RAD21: variants seen among roughly 807,000 people sequenced by gnomAD.
RAD21 encodes the protein double-strand-break repair protein rad21 homolog.
Under a neutral mutation model 71.5 loss-of-function variants are expected in RAD21, and 18 were observed. That is an observed-to-expected ratio of 0.25 (90% confidence interval 0.17 to 0.37). The LOEUF (loss-of-function observed/expected upper bound fraction) is 0.37. Ranked by LOEUF, RAD21 falls within the 10% of genes least tolerant of loss-of-function variation. RAD21 has a pLI of 1.00. For missense variants in RAD21, 493 were observed against 769.1 expected (o/e 0.64, Z 4.25); for synonymous variants, 248 against 254.0 (o/e 0.98, Z 0.22).
chr8:116,867,251 C>G (rs553050394), intron 1 of RAD21, among the ~76,000 whole-genome samples: 1 of 152,110 alleles, frequency 6.6e-6, no homozygotes, highest in African/African-American at 2.4e-5. Flanking sequence ...ATTTCATATT[C>G]CACCAAGCAA....
At chr8:116,863,825 G>A (rs1812638592) in intron 2 of RAD21, among the ~76,000 whole-genome samples, 2 of 152,024 alleles carry the variant, frequency 1.3e-5, no homozygotes, top group African/African-American at 2.4e-5. Context: ...AAAGTATGAG[G>A]ACAGGAAGCT....
intron 3 of RAD21, among the ~76,000 whole-genome samples, chr8:116,862,789 A>G (rs1388109405): frequency 1.3e-5 from 2 of 152,172 alleles, no homozygotes; most frequent in African/African-American, 2.4e-5. Flanking sequence ...TTTCTGAGCT[A>G]TATTTTAAAA....
intron 1 of RAD21, among the ~76,000 whole-genome samples, chr8:116,869,429 C>T (rs540482033): frequency 6.6e-6 from 1 of 152,162 alleles, no homozygotes; most frequent in East Asian, 1.9e-4. Flanking sequence ...TACTAAAAAA[C>T]ACAGAAACTG....
chr8:116,849,613 C>T (rs1812310467), intron 12 of RAD21: 1 of 152,132 alleles, frequency 6.6e-6, no homozygotes, highest in Non-Finnish European at 1.5e-5. Context: ...CACATGCTGC[C>T]TAAATGACTT....
chr8:116,868,897 G>T (rs1000986494), intron 1 of RAD21, among the ~76,000 whole-genome samples: 3 of 149,016 alleles, frequency 2.0e-5, no homozygotes, highest in Non-Finnish European at 4.4e-5. Flanking sequence ...GATTAAATAC[G>T]ATCTGAAGAC....
At chr8:116,860,286 A>C (rs759410443) in intron 4 of RAD21, among the ~76,000 whole-genome samples, 23 of 152,192 alleles carry the variant, frequency 1.5e-4, no homozygotes, top group Non-Finnish European at 2.6e-4. Flanking sequence ...AGGGTTTAGA[A>C]TATTCCATAA....
chr8:116,858,299 A>G, intron 5 of RAD21, 53 bp downstream of exon 5: 1 of 1,362,324 alleles, frequency 7.3e-7, no homozygotes. Context: ...AATTGCTATT[A>G]GCAACACAAT....
intron 1 of RAD21, among the ~76,000 whole-genome samples, chr8:116,868,945 A>G (rs1452663346): frequency 6.6e-6 from 1 of 151,958 alleles, no homozygotes; most frequent in African/African-American, 2.4e-5. Flanking sequence ...CACCCCCCAC[A>G]AAACAAAAAA....
intron 1 of RAD21, among the ~76,000 whole-genome samples, chr8:116,870,406 C>G (rs1281118097): frequency 6.6e-6 from 1 of 152,168 alleles, no homozygotes; most frequent in African/African-American, 2.4e-5. Context: ...ATACTATATT[C>G]TATACTAAGA....
At chr8:116,863,625 A>G (rs1371359173) in intron 2 of RAD21, among the ~76,000 whole-genome samples, 3 of 152,134 alleles carry the variant, frequency 2.0e-5, no homozygotes, top group Non-Finnish European at 2.9e-5. Context: ...CCTCTCTGCT[A>G]ATACCTGTTC....
At chr8:116,857,528 TAAAAG>T (rs1009768773) in intron 5 of RAD21, 55 bp from the exon 6 acceptor site, 23 of 1,419,764 alleles carry the variant, frequency 1.6e-5, no homozygotes, top group Middle Eastern at 2.1e-4. Context: ...AGCACTGTGA[TAAAAG>T]AAAACTGCTA....
intron 7 of RAD21, 40 bp downstream of exon 7, chr8:116,856,606 A>G (rs1217277418): frequency 6.5e-7 from 1 of 1,541,312 alleles, no homozygotes; most frequent in Non-Finnish European, 8.8e-7. Context: ...TCTGGATGCC[A>G]TACAATCATC....
intron 13 of RAD21, among the ~76,000 whole-genome samples, chr8:116,848,208 T>G (rs775429250): frequency 6.6e-6 from 1 of 152,226 alleles, no homozygotes. Flanking sequence ...CTATATATTC[T>G]GCTTAGGACA....
chr8:116,872,155 T>C (rs558750979), intron 1 of RAD21, among the ~76,000 whole-genome samples: 4 of 152,342 alleles, frequency 2.6e-5, no homozygotes, highest in African/African-American at 9.6e-5. Context: ...ATTTACATTG[T>C]AATATCATAA....
chr8:116,856,903 C>T (rs1812481414), intron 6 of RAD21, 132 bp from the exon 7 acceptor site: 1 of 588,606 alleles, frequency 1.7e-6, no homozygotes, highest in Non-Finnish European at 2.7e-6. Flanking sequence ...ATCTGTTTCT[C>T]CTCCAGGTAG....
At chr8:116,873,464 CTA>C (rs774292194) in intron 1 of RAD21, among the ~76,000 whole-genome samples, 3 of 152,312 alleles carry the variant, frequency 2.0e-5, no homozygotes, top group Non-Finnish European at 2.9e-5. Flanking sequence ...CTCCAAAATT[CTA>C]TAGACTCGCA....
chr8:116,865,533 T>C (rs1812671876), intron 2 of RAD21, among the ~76,000 whole-genome samples: 1 of 152,152 alleles, frequency 6.6e-6, no homozygotes. Context: ...ATATCACAAA[T>C]CTCAAAAACA....
Position 116,852,073 on chromosome 8 carries a change from T to C in RAD21, c.1345A>G (p.Ser449Gly), listed in dbSNP as rs766380292. Reference sequence around the variant, plus strand: ...TCCATCACTGACTCCTGGAGGCGGCTTGGCTCTTCAATAATGGGCTCATCT... The same window carrying C: ...TCCATCACTGACTCCTGGAGGCGGCCTGGCTCTTCAATAATGGGCTCATCT... Reference protein sequence around the residue: ...VIDEPIIEEPSRLQESVMEAS... With the variant: ...VIDEPIIEEPGRLQESVMEAS... Residue 449 changes from serine (S) to glycine (G), a missense_variant, in exon 11 of 14, where the codon AGC (serine) becomes GGC (glycine). Ser to Gly is a moderately conservative substitution (Grantham distance 56, BLOSUM62 0). Around this residue, in one of 5 missense-constraint regions of RAD21, gnomAD observed 225 missense variants for 218.3 expected, o/e 1.03. Coordinates refer to ENST00000297338, the MANE Select transcript of RAD21 (RefSeq NM_006265.3). The C allele has an allele frequency of 3.1e-6, 5 of 1,609,164 alleles. No homozygotes were observed. Among genetic ancestry groups the C allele is most frequent in the East Asian group, 4.5e-5 (2 of 44,758 alleles).
chr8:116,847,714 T>A, intron 13 of RAD21, 23 bp from the exon 14 acceptor site: 1 of 1,593,976 alleles, frequency 6.3e-7, no homozygotes, highest in South Asian at 1.1e-5. Context: ...CAAAAAAGGG[T>A]AACTTAATCT....
Sources: gnomAD v4.1 joint callset for allele counts (sites outside exome capture counted in the v4.1 genomes callset) on GRCh38, gnomAD v4.1.1 for gene constraint, gnomAD v4.1.1 regional missense constraint, MANE v1.5 for transcripts, NCBI Gene and HGNC (gene_info 2026-07-23, HGNC 2026-07-21) for gene names.